CDIN1: variants seen among roughly 807,000 people sequenced by gnomAD.
The protein encoded by CDIN1 is CDAN1 interacting nuclease 1, also known as CDAN1-interacting nuclease 1.
Under a neutral mutation model 45.3 loss-of-function variants are expected in CDIN1, and 33 were observed. The observed-to-expected ratio is 0.73, with a 90% CI of 0.55 to 0.97. The LOEUF (loss-of-function observed/expected upper bound fraction) is 0.97. Among genes scored for constraint, CDIN1 ranks in the 50% least tolerant of loss-of-function variants. CDIN1 has a pLI of 0.00. For synonymous variants in CDIN1, 118 were observed against 124.4 expected (o/e 0.95, Z 0.34); for missense variants, 303 against 339.4 (o/e 0.89, Z 0.84).
intron 1 of CDIN1, among the ~76,000 whole-genome samples, chr15:36,643,456 G>T (rs1236364288): frequency 6.6e-6 from 1 of 152,198 alleles, no homozygotes; most frequent in Non-Finnish European, 1.5e-5. Context: ...CATTTAGTAG[G>T]AAAATAGAAA....
chr15:36,788,089 TATATATATATATATA>T (rs1566973578), intron 10 of CDIN1, among the ~76,000 whole-genome samples: 3 of 35,622 alleles, frequency 8.4e-5, no homozygotes, highest in Admixed American at 1.1e-3. Context: ...TATATATATA[TATATATATATATATA>T]TATTTTTTTT....
chr15:36,610,570 C>T (rs752081322), intron 1 of CDIN1, among the ~76,000 whole-genome samples: 20 of 152,034 alleles, frequency 1.3e-4, no homozygotes, highest in Non-Finnish European at 2.1e-4. Context: ...TATATAACTG[C>T]GTGTGAGTGT....
intron 10 of CDIN1, among the ~76,000 whole-genome samples, chr15:36,792,422 G>A (rs1333155824): frequency 2.0e-5 from 3 of 152,078 alleles, no homozygotes; most frequent in Non-Finnish European, 2.9e-5. Flanking sequence ...ACTGTTAGCC[G>A]TTCACCTCGT....
chr15:36,702,575 A>G (rs1439748009), intron 8 of CDIN1, among the ~76,000 whole-genome samples: 1 of 152,074 alleles, frequency 6.6e-6, no homozygotes, highest in Non-Finnish European at 1.5e-5. Context: ...CTTTTGGGTC[A>G]CTAATGATTT....
chr15:36,762,071 A>G (rs2193001), intron 10 of CDIN1, among the ~76,000 whole-genome samples: 102,980 of 151,964 alleles, frequency 0.68, 35,131 homozygotes, highest in East Asian at 0.93. Flanking sequence ...TTGGTTTCCT[A>G]TCATATCTAG....
intron 10 of CDIN1, among the ~76,000 whole-genome samples, chr15:36,758,008 ACTT>A: frequency 6.6e-6 from 1 of 152,052 alleles, no homozygotes; most frequent in East Asian, 1.9e-4. Flanking sequence ...TATAAATTAA[ACTT>A]TATTATATGT....
At chr15:36,642,289 G>T (rs2040141331) in intron 1 of CDIN1, among the ~76,000 whole-genome samples, 1 of 152,204 alleles carries the variant, frequency 6.6e-6, no homozygotes, top group South Asian at 2.1e-4. Context: ...ACAGATAGTT[G>T]GCTGGCAGAC....
intron 10 of CDIN1, among the ~76,000 whole-genome samples, chr15:36,715,010 A>G (rs973951895): frequency 6.6e-6 from 1 of 152,186 alleles, no homozygotes; most frequent in Non-Finnish European, 1.5e-5. Context: ...AGTTACCTAA[A>G]GCTTGGGTGC....
intron 10 of CDIN1, among the ~76,000 whole-genome samples, chr15:36,728,297 A>G (rs2043712783): frequency 6.6e-6 from 1 of 152,170 alleles, no homozygotes; most frequent in African/African-American, 2.4e-5. Flanking sequence ...TACCATTCAC[A>G]GTTCTTCAAG....
intron 10 of CDIN1, among the ~76,000 whole-genome samples, chr15:36,768,283 G>C (rs1422086236): frequency 1.3e-5 from 2 of 152,218 alleles, no homozygotes; most frequent in Non-Finnish European, 2.9e-5. Flanking sequence ...TTTGGTCCAA[G>C]TCCTAGGATC....
At position 36,808,452 on chromosome 15, in the gene CDIN1, G is replaced by T. The variant is rs1484507860; in HGVS notation, c.845G>T (p.Ter282LeuextTer2). 3 of 1,613,314 alleles carry T rather than the reference G, an allele frequency of 1.9e-6. No homozygotes were observed. The highest frequency in any genetic ancestry group is 2.5e-6 in the Non-Finnish European group (3 of 1,179,482). Residue 282 changes from the stop codon to leucine, a stop_lost, in exon 11 of 11, where the codon TGA (stop) becomes TTA (leucine). Transcript: ENST00000566621. ...NIVTLCHSIA[*>L] is the part of the protein sequence containing the mutation. Reference sequence around the variant, plus strand: ...GTCACCTTATGCCACAGCATAGCTTGACCCTGAAGATCCTGGAAGAGAAGC... The same window carrying T: ...GTCACCTTATGCCACAGCATAGCTTTACCCTGAAGATCCTGGAAGAGAAGC...
intron 7 of CDIN1, among the ~76,000 whole-genome samples, chr15:36,695,966 T>G (rs974983740): frequency 2.6e-5 from 4 of 152,200 alleles, no homozygotes. Context: ...TTAGCTATTA[T>G]CAATTATTCC....
At chr15:36,690,894 C>T (rs577288837) in intron 5 of CDIN1, among the ~76,000 whole-genome samples, 23 of 152,184 alleles carry the variant, frequency 1.5e-4, no homozygotes, top group African/African-American at 4.6e-4. Context: ...TAGTGAGCAG[C>T]GAGGTCAGGA....
At chr15:36,665,899 T>C (rs2041230255) in intron 5 of CDIN1, among the ~76,000 whole-genome samples, 1 of 152,314 alleles carries the variant, frequency 6.6e-6, no homozygotes, top group East Asian at 1.9e-4. Flanking sequence ...TATTGATACA[T>C]AAGAAAAACC....
At chr15:36,805,115 G>A (rs1250221316) in intron 10 of CDIN1, among the ~76,000 whole-genome samples, 37 of 152,210 alleles carry the variant, frequency 2.4e-4, no homozygotes, top group Non-Finnish European at 5.9e-5. Context: ...CTAATTTGGT[G>A]ATATTTTATT....
intron 7 of CDIN1, among the ~76,000 whole-genome samples, chr15:36,693,881 A>G (rs918391063): frequency 9.9e-5 from 15 of 152,114 alleles, no homozygotes; most frequent in Admixed American, 7.2e-4. Context: ...TTTTCCTTAC[A>G]TTTTTGCCAC....
intron 10 of CDIN1, among the ~76,000 whole-genome samples, chr15:36,737,416 G>A (rs1335911299): frequency 6.6e-6 from 1 of 152,136 alleles, no homozygotes; most frequent in Non-Finnish European, 1.5e-5. Context: ...GTGTGCCACC[G>A]TAATGTGACA....
At chr15:36,633,783 A>T (rs1472943640) in intron 1 of CDIN1, among the ~76,000 whole-genome samples, 2 of 145,846 alleles carry the variant, frequency 1.4e-5, no homozygotes, top group African/African-American at 5.1e-5. Context: ...CCTGAGACAG[A>T]GTCTCACTCT....
chr15:36,596,480 A>G (rs2037839507), intron 1 of CDIN1, among the ~76,000 whole-genome samples: 1 of 152,170 alleles, frequency 6.6e-6, no homozygotes, highest in African/African-American at 2.4e-5. Context: ...ATTTTTGAAT[A>G]TTGAACTTTA....
Sources: gnomAD v4.1 joint callset for allele counts (sites outside exome capture counted in the v4.1 genomes callset) on GRCh38, gnomAD v4.1.1 for gene constraint, MANE v1.5 for transcripts, NCBI Gene and HGNC (gene_info 2026-07-23, HGNC 2026-07-21) for gene names.